The following RABGAP1L variants were observed in gnomAD, a reference collection of about 807,000 sequenced individuals.
The protein encoded by RABGAP1L is RAB GTPase activating protein 1 like, also known as rab GTPase-activating protein 1-like.
In RABGAP1L, 63 loss-of-function variants were observed where a neutral mutation model predicts 137.7. The observed-to-expected ratio is 0.46, with a 90% CI of 0.37 to 0.56. RABGAP1L has a LOEUF of 0.56. Ranked by LOEUF, RABGAP1L falls within the 20% of genes least tolerant of loss-of-function variation. The pLI is 0.00. For missense variants in RABGAP1L, 1,095 were observed against 1,244.0 expected (o/e 0.88, Z 1.80); for synonymous variants, 431 against 433.7 (o/e 0.99, Z 0.08).
chr1:174,352,690 T>G (rs1683302269), intron 11 of RABGAP1L, among the ~76,000 whole-genome samples: 1 of 152,174 alleles, frequency 6.6e-6, no homozygotes. Context: ...GTCTTCAAGT[T>G]TGGATTTATT....
At chr1:174,550,200 C>G (rs1217535632) in intron 13 of RABGAP1L, among the ~76,000 whole-genome samples, 1 of 152,116 alleles carries the variant, frequency 6.6e-6, no homozygotes, top group Non-Finnish European at 1.5e-5. Context: ...TATGTTGTCT[C>G]TAGCAGATTT....
chr1:174,885,706 G>A (rs1357025790), intron 19 of RABGAP1L, among the ~76,000 whole-genome samples: 2 of 151,866 alleles, frequency 1.3e-5, no homozygotes, highest in Non-Finnish European at 2.9e-5. Flanking sequence ...AGTTGCTCAC[G>A]CCTGTAATCC....
intron 7 of RABGAP1L, among the ~76,000 whole-genome samples, chr1:174,268,356 C>T (rs563557366): frequency 9.2e-5 from 14 of 152,028 alleles, no homozygotes; most frequent in Admixed American, 3.3e-4. Context: ...CCCGCCACTA[C>T]GCCCGGCTAA....
chr1:174,582,657 C>G (rs970902985), intron 13 of RABGAP1L, among the ~76,000 whole-genome samples: 5 of 152,118 alleles, frequency 3.3e-5, no homozygotes, highest in African/African-American at 1.2e-4. Context: ...TGAAAAATAT[C>G]CTTTGTGCGT....
At chr1:174,645,792 C>T (rs1674921765) in intron 14 of RABGAP1L, among the ~76,000 whole-genome samples, 1 of 151,138 alleles carries the variant, frequency 6.6e-6, no homozygotes. Context: ...AGGAATCTTC[C>T]ACAATGGTTG....
At position 174,413,751 on chromosome 1, in the gene RABGAP1L, T is replaced by C. The variant is rs556640816; in HGVS notation, c.1710+19606T>C. Among the ~76,000 whole-genome samples, 33 of 152,298 alleles carry C rather than the reference T, an allele frequency of 2.2e-4. No individual in the cohort carries two copies. The East Asian group carries it at 5.4e-3, about 25-fold the overall frequency. ...TGCTTCTATAGCCCTATGCACTTCT[T>C]TGGGCAAGTTTTATATTGGGCTGTG... is the stretch of plus-strand genomic sequence containing the variant. On this transcript the variant is annotated intron_variant, in intron 13 of 25. Coordinates refer to ENST00000681986, the MANE Select transcript of RABGAP1L (RefSeq NM_001366446.1).
chr1:174,379,101 A>T (rs1220748571), intron 12 of RABGAP1L, among the ~76,000 whole-genome samples: 2 of 142,950 alleles, frequency 1.4e-5, no homozygotes, highest in East Asian at 3.9e-4. Context: ...AGTTGTAGAT[A>T]TGCGGCGTTA....
intron 19 of RABGAP1L, among the ~76,000 whole-genome samples, chr1:174,950,519 C>T (rs1667549647): frequency 6.6e-6 from 1 of 152,104 alleles, no homozygotes; most frequent in African/African-American, 2.4e-5. Context: ...TGTTTCTTCT[C>T]GAGTGCATTA....
rs185584643 is a variant in RABGAP1L at position 174,420,522 on chromosome 1, G to T, written c.1710+26377G>T. On this transcript the variant is annotated intron_variant, in intron 13 of 25. Coordinates refer to ENST00000681986, the MANE Select transcript of RABGAP1L (RefSeq NM_001366446.1). The stretch of plus-strand genomic sequence containing the variant: ...GAATGTTAACTAATTTAATATGTTG[G>T]GTTGCTTTTTAAATGACATTCATCA... 1.1e-4 allele frequency among the ~76,000 whole-genome samples: 17 copies of T among 151,848 alleles called. No individual in the cohort carries two copies. In the East Asian group the frequency reaches 2.3e-3, roughly 21 times the overall value.
intron 11 of RABGAP1L, among the ~76,000 whole-genome samples, chr1:174,305,840 T>C (rs916466947): frequency 4.6e-5 from 7 of 152,176 alleles, no homozygotes; most frequent in African/African-American, 1.7e-4. Context: ...TATGTATACA[T>C]GTGCCATGTT....
chr1:174,364,971 T>G (rs928559116), intron 11 of RABGAP1L, among the ~76,000 whole-genome samples: 5 of 152,178 alleles, frequency 3.3e-5, no homozygotes, highest in Admixed American at 3.3e-4. Flanking sequence ...GCCCATTACC[T>G]TATTCTACTG....
chr1:174,933,197 G>A (rs1040742629), intron 19 of RABGAP1L, among the ~76,000 whole-genome samples: 3 of 152,020 alleles, frequency 2.0e-5, no homozygotes, highest in African/African-American at 7.2e-5. Context: ...ACCCCACAGA[G>A]CTCATTCTAG....
intron 18 of RABGAP1L, among the ~76,000 whole-genome samples, chr1:174,770,225 C>G (rs1686009199): frequency 6.6e-6 from 1 of 152,084 alleles, no homozygotes; most frequent in South Asian, 2.1e-4. Context: ...TTAACTTTCT[C>G]TAGTGCATCT....
chr1:174,517,869 T>C (rs1663007450), intron 13 of RABGAP1L, among the ~76,000 whole-genome samples: 1 of 152,244 alleles, frequency 6.6e-6, no homozygotes, highest in Non-Finnish European at 1.5e-5. Context: ...TCTTTATATA[T>C]GCTTGTTAAC....
At chr1:174,954,354 A>G (rs1668188837) in intron 19 of RABGAP1L, 1 of 152,162 alleles carries the variant, frequency 6.6e-6, no homozygotes, top group African/African-American at 2.4e-5. Flanking sequence ...ATGAAGCCAA[A>G]TATCCTAGAA....
intron 17 of RABGAP1L, 77 bp from the exon 18 acceptor site, chr1:174,752,236 A>T: frequency 9.9e-7 from 1 of 1,011,296 alleles, no homozygotes. Context: ...TATTAAATAT[A>T]TGTGGAAGTC....
rs1321297022 is a variant in RABGAP1L, at chr1:174,516,119, C to CTA, written c.1711-121255_1711-121254dup. ...AAGTCAAGGGATGAAAACTGAAGCTCTACACACACACACACACACACACAC... is the reference window on the plus strand; with the variant it reads ...AAGTCAAGGGATGAAAACTGAAGCTCTATACACACACACACACACACACACAC... On this transcript the variant is annotated intron_variant, in intron 13 of 25. Coordinates refer to ENST00000681986, the MANE Select transcript of RABGAP1L (RefSeq NM_001366446.1). Among the ~76,000 whole-genome samples the CTA allele has an allele frequency of 3.3e-3, 298 of 90,236 alleles. 1 individual carries two copies. Among genetic ancestry groups the CTA allele is most frequent in the African/African-American group, 0.012 (272 of 22,818 alleles). 59.2% of individuals were successfully genotyped at this position (90,236 alleles called of 152,430 possible).
At chr1:174,662,980 A>T (rs1676502873) in intron 14 of RABGAP1L, among the ~76,000 whole-genome samples, 1 of 152,256 alleles carries the variant, frequency 6.6e-6, no homozygotes, top group South Asian at 2.1e-4. Context: ...AGTTTTAAGC[A>T]AAGTATTATT....
intron 11 of RABGAP1L, among the ~76,000 whole-genome samples, chr1:174,311,925 A>T (rs1678895849): frequency 6.6e-6 from 1 of 152,138 alleles, no homozygotes; most frequent in African/African-American, 2.4e-5. Flanking sequence ...ACTGGATCTT[A>T]TTCTTTTTTA....
Sources: gnomAD v4.1 joint callset for allele counts (sites outside exome capture counted in the v4.1 genomes callset) on GRCh38, gnomAD v4.1.1 for gene constraint, MANE v1.5 for transcripts, NCBI Gene and HGNC (gene_info 2026-07-23, HGNC 2026-07-21) for gene names.